Variants in SCAMP4 observed in about 807,000 individuals in gnomAD.
SCAMP4 encodes the protein secretory carrier-associated membrane protein 4.
In SCAMP4, 19 loss-of-function variants were observed where a neutral mutation model predicts 32.1. The observed-to-expected ratio is 0.59, with a 90% confidence interval of 0.41 to 0.87. The LOEUF is 0.87. SCAMP4 is among the 40% of genes least tolerant of loss of function. SCAMP4 has a pLI of 0.00. For synonymous variants in SCAMP4, 152 were observed against 132.7 expected (o/e 1.15, Z -1.00); for missense variants, 302 against 309.0 (o/e 0.98, Z 0.17).
At chr19:1,905,527 T>G (rs2145416515) in intron 1 of SCAMP4, 88 bp downstream of exon 1, 1 of 340,252 alleles carries the variant, frequency 2.9e-6, no homozygotes, top group Middle Eastern at 4.5e-4. Context: ...GTCTCGGCGG[T>G]GAGGGGCGCC....
rs1191379926 is a variant in SCAMP4 at position 1,923,145 on chromosome 19, GTTC to G, written c.473_475del (p.Phe158del). 1.3e-6 allele frequency: 2 copies of G among 1,552,450 alleles called. No homozygotes were observed. Among genetic ancestry groups the G allele is most frequent in the Non-Finnish European group, 1.7e-6 (2 of 1,147,504 alleles). ...TGGTCATGCTGCTTCCAGCCATCATGTTCTCCGTGTCGGCTGCCATGATGGCCA... is the reference window on the plus strand; with the variant it reads ...TGGTCATGCTGCTTCCAGCCATCATGTCCGTGTCGGCTGCCATGATGGCCA... On this transcript the variant is annotated inframe_deletion, in exon 6 of 7. Coordinates refer to ENST00000316097, the MANE Select transcript of SCAMP4 (RefSeq NM_079834.4).
At chr19:1,914,699 G>A (rs1354886831) in intron 1 of SCAMP4, among the ~76,000 whole-genome samples, 2 of 152,242 alleles carry the variant, frequency 1.3e-5, no homozygotes, top group Non-Finnish European at 1.5e-5. Flanking sequence ...CAGGGGCCTA[G>A]GACAGCGGGG....
At chr19:1,915,819 G>T (rs1353481003) in intron 2 of SCAMP4, among the ~76,000 whole-genome samples, 2 of 152,054 alleles carry the variant, frequency 1.3e-5, no homozygotes, top group Non-Finnish European at 2.9e-5. Flanking sequence ...GGTGGCGGGT[G>T]CCTGTAGTCC....
chr19:1,919,504 T>C (rs1033949799), intron 5 of SCAMP4: 17 of 974,326 alleles, frequency 1.7e-5, no homozygotes, highest in Non-Finnish European at 1.8e-5. Flanking sequence ...CTTTTTTTTT[T>C]TTTTTTTTTT....
At position 1,924,394 on chromosome 19, in the gene SCAMP4, T is replaced by G; in HGVS notation, c.*110T>G. 1 of 1,003,158 alleles carries G rather than the reference T, an allele frequency of 1.0e-6. No individual in the cohort carries two copies. The highest frequency in any genetic ancestry group is 1.5e-6 in the Non-Finnish European group (1 of 683,062). 62.1% of individuals were successfully genotyped at this position (1,003,158 alleles called of 1,614,324 possible). On this transcript the variant is annotated 3_prime_UTR_variant, in exon 7 of 7. Transcript: ENST00000316097. The stretch of plus-strand genomic sequence containing the variant: ...TGGGGCCCCATCCCCCCAGCTGGGA[T>G]GGTGGAAGCCGGTGGTGGCCACGGA...
rs772783733 is a variant in SCAMP4 at position 1,914,980 on chromosome 19, C to T, written c.-40C>T. The T allele has an allele frequency of 3.2e-5, 52 of 1,613,538 alleles. No homozygotes were observed. Among genetic ancestry groups the T allele is most frequent in the East Asian group, 6.7e-5 (3 of 44,880 alleles). On this transcript the variant is annotated splice_region_variant and 5_prime_UTR_variant, in exon 2 of 7. Transcript: ENST00000316097. ...TGACTGTGGTTGTCTTCCTTCCAGG[C>T]GGCTGCAGGCTTCAGCCTGCGCTGG...
chr19:1,920,568 G>T lies in SCAMP4; in HGVS notation c.395+1578G>T, dbSNP rs1272209501. On this transcript the variant is annotated intron_variant, in intron 5 of 6. Coordinates refer to ENST00000316097, the MANE Select transcript of SCAMP4 (RefSeq NM_079834.4). Reference sequence around the variant, plus strand: ...AGAGCCTGAGTGACGTTGCCCCAGGGATCTGAGTTAGAGTCATAGTGAGCG... The same window carrying T: ...AGAGCCTGAGTGACGTTGCCCCAGGTATCTGAGTTAGAGTCATAGTGAGCG... 1.5e-5 allele frequency: 15 copies of T among 981,858 alleles called. No homozygotes were observed. The South Asian group carries it at 6.1e-4, about 40-fold the overall frequency. 60.8% of individuals were successfully genotyped at this position (981,858 alleles called of 1,614,324 possible). A position where few individuals can be genotyped will look rare whatever the true frequency, so the allele number is the denominator to read the frequency against.
intron 5 of SCAMP4, chr19:1,922,440 G>C: frequency 1.4e-6 from 1 of 738,814 alleles, no homozygotes; most frequent in Non-Finnish European, 1.7e-6. Context: ...TCACCTTGTT[G>C]GTCAGGCTGG....
intron 2 of SCAMP4, among the ~76,000 whole-genome samples, chr19:1,917,455 T>A (rs2013769037): frequency 6.6e-6 from 1 of 152,068 alleles, no homozygotes; most frequent in Admixed American, 6.6e-5. Context: ...CAGGGCCCCT[T>A]TCTCCCCCTT....
chr19:1,917,621 G>A, intron 2 of SCAMP4, 73 bp from the exon 3 acceptor site: 4 of 1,582,340 alleles, frequency 2.5e-6, no homozygotes, highest in Non-Finnish European at 3.5e-6. Context: ...CCAGCCTTGG[G>A]TCGAAGGGAT....
At chr19:1,912,632 G>A in intron 1 of SCAMP4, 1 of 1,438,400 alleles carries the variant, frequency 7.0e-7, no homozygotes, top group Non-Finnish European at 9.1e-7. Flanking sequence ...ACATGGAGCG[G>A]GCGGTGTGGG....
At position 1,917,933 on chromosome 19, in the gene SCAMP4, G is replaced by A. The variant is rs914318167; in HGVS notation, c.136+111G>A. 5.5e-5 allele frequency: 80 copies of A among 1,447,780 alleles called. No individual in the cohort carries two copies. The African/African-American group carries it at 7.1e-4, about 13-fold the overall frequency. 89.7% of individuals were successfully genotyped at this position (1,447,780 alleles called of 1,614,324 possible). On this transcript the variant is annotated intron_variant, in intron 3 of 6. Coordinates refer to ENST00000316097, the MANE Select transcript of SCAMP4 (RefSeq NM_079834.4). ...CGGGGGCCCACCGTCTACTGAAGCC[G>A]TCCTGGGCCTGGTGGTCCCTGCGGT...
chr19:1,912,499 C>G (rs1306783270), intron 1 of SCAMP4: 17 of 1,496,986 alleles, frequency 1.1e-5, no homozygotes, highest in Non-Finnish European at 1.5e-5. Flanking sequence ...CCGCCTCTGA[C>G]CAGGGGCCAG....
rs570468912 is a variant in SCAMP4 at position 1,921,568 on chromosome 19, G to A, written c.396-1502G>A. On this transcript the variant is annotated intron_variant, in intron 5 of 6. Transcript: ENST00000316097. ...CTCCCTAGACCTGACACTTGCATGC[G>A]GGGGCGTGCGATGCTGGCCAGTGGG... 9.1e-5 allele frequency: 90 copies of A among 985,446 alleles called. No homozygotes were observed. In the African/African-American group the frequency reaches 1.3e-3, roughly 14 times the overall value. The allele number at this position is 985,446 out of a possible 1,614,324, so 61.0% of individuals were successfully genotyped here. A position where few individuals can be genotyped will look rare whatever the true frequency, so the allele number is the denominator to read the frequency against.
chr19:1,909,810 C>G (rs1322850894), intron 1 of SCAMP4, among the ~76,000 whole-genome samples: 1 of 152,316 alleles, frequency 6.6e-6, no homozygotes, highest in East Asian at 1.9e-4. Flanking sequence ...CTGCTCCACC[C>G]GACAGCCAGG....
At chr19:1,921,469 G>C in intron 5 of SCAMP4, 1 of 985,392 alleles carries the variant, frequency 1.0e-6, no homozygotes, top group Non-Finnish European at 1.2e-6. Flanking sequence ...GGTGGGCCCC[G>C]CCAGGAATCG....
intron 5 of SCAMP4, chr19:1,921,441 G>A (rs1208735665): frequency 1.4e-5 from 14 of 985,288 alleles, no homozygotes; most frequent in East Asian, 1.1e-4. Context: ...CTGAGGACAC[G>A]GTGCAGCAGG....
At position 1,925,624 on chromosome 19, in the gene SCAMP4, C is replaced by G. The variant is rs1331473227; in HGVS notation, c.*1340C>G. 1 of 153,016 alleles carries G rather than the reference C, an allele frequency of 6.5e-6. No homozygotes were observed. The allele number at this position is 153,016 out of a possible 1,614,324, so 9.5% of individuals were successfully genotyped here. On this transcript the variant is annotated 3_prime_UTR_variant, in exon 7 of 7. Coordinates refer to ENST00000316097, the MANE Select transcript of SCAMP4 (RefSeq NM_079834.4). Reference sequence around the variant, plus strand: ...AACTTTGGACACCCCAGGCTGCCACCCCTCCCCACCCGTTCACCCCCAGGA... The same window carrying G: ...AACTTTGGACACCCCAGGCTGCCACGCCTCCCCACCCGTTCACCCCCAGGA...
chr19:1,918,892 C>T lies in SCAMP4; in HGVS notation c.297C>T (p.Ala99=), dbSNP rs766266554. 8.7e-6 allele frequency: 14 copies of T among 1,605,544 alleles called. No individual in the cohort carries two copies. The highest frequency in any genetic ancestry group is 2.2e-5 in the South Asian group (2 of 89,360). Residue 99 remains alanine, a synonymous_variant, in exon 5 of 7, where the codon GCC becomes GCT. Coordinates refer to ENST00000316097, the MANE Select transcript of SCAMP4 (RefSeq NM_079834.4). The part of the protein sequence containing the change: ...WFRPVYKAFR[A]DSSFNFMAFF... The stretch of plus-strand genomic sequence containing the variant: ...CGTGTTTTCTGTCCCTCCCCAGAGC[C>T]GACAGCTCCTTTAATTTCATGGCGT...
Sources: allele counts gnomAD v4.1 joint callset (sites outside exome capture counted in the v4.1 genomes callset), GRCh38; gene constraint gnomAD v4.1.1; transcripts MANE v1.5; gene names NCBI Gene and HGNC (gene_info 2026-07-23, HGNC 2026-07-21).